Variants in KIF26B observed in about 807,000 individuals in gnomAD.
KIF26B encodes kinesin-like protein KIF26B.
A neutral mutation model predicts 151.2 loss-of-function variants in KIF26B; 63 were observed. The observed-to-expected ratio is 0.42, with a 90% confidence interval of 0.34 to 0.51. KIF26B has a LOEUF of 0.51. Among genes scored for constraint, KIF26B ranks in the 20% least tolerant of loss-of-function variants. KIF26B has a pLI of 0.07. For synonymous variants in KIF26B, 1,357 were observed against 1,262.1 expected (o/e 1.08, Z -1.59); for missense variants, 2,813 against 2,913.6 (o/e 0.97, Z 0.79).
intron 2 of KIF26B, among the ~76,000 whole-genome samples, chr1:245,307,145 A>G (rs1312880845): frequency 1.3e-5 from 2 of 152,186 alleles, no homozygotes; most frequent in East Asian, 3.8e-4. Context: ...CTGCACTCTT[A>G]AGATTCTTTA....
chr1:245,591,320 A>G (rs763589229), intron 5 of KIF26B, among the ~76,000 whole-genome samples: 10 of 152,202 alleles, frequency 6.6e-5, no homozygotes, highest in African/African-American at 9.6e-5. Flanking sequence ...GCCTCAGTAA[A>G]AAGTAATAAT....
chr1:245,679,987 C>T (rs904102945), intron 10 of KIF26B, among the ~76,000 whole-genome samples: 3 of 152,174 alleles, frequency 2.0e-5, no homozygotes, highest in Non-Finnish European at 2.9e-5. Context: ...TCCCTCCCGC[C>T]TGGCTCTGGG....
At position 245,222,396 on chromosome 1, in the gene KIF26B, C is replaced by A. The variant is rs536243692; in HGVS notation, c.465+65713C>A. Reference sequence around the variant, plus strand: ...AGGTTGCAGTGTGTCGAGATCGTACCATTGCCCTCCAGCCTGGGTGACTAG... The same window carrying A: ...AGGTTGCAGTGTGTCGAGATCGTACAATTGCCCTCCAGCCTGGGTGACTAG... On this transcript the variant is annotated intron_variant, in intron 2 of 14. Coordinates refer to ENST00000407071, the MANE Select transcript of KIF26B (RefSeq NM_018012.4). Among the ~76,000 whole-genome samples the A allele has an allele frequency of 7.2e-5, 11 of 152,274 alleles. No homozygotes were observed. In the South Asian group the frequency reaches 2.3e-3, roughly 32 times the overall value.
Position 245,261,139 on chromosome 1 carries a change from C to CTCTT in KIF26B, c.465+104470_465+104473dup, listed in dbSNP as rs576775673. Among the ~76,000 whole-genome samples, 1,016 of 149,468 alleles carry CTCTT rather than the reference C, an allele frequency of 6.8e-3. 5 individuals are homozygous for CTCTT. The highest frequency in any genetic ancestry group is 0.017 in the Middle Eastern group (5 of 288). ...CGTTCCTTCCTTCCTTCCTCTTTCT[C>CTCTT]TCTTTCTTTCTTTCTTTTCTTTTTT... On this transcript the variant is annotated intron_variant, in intron 2 of 14. Coordinates refer to ENST00000407071, the MANE Select transcript of KIF26B (RefSeq NM_018012.4).
chr1:245,219,884 C>G (rs1297310733), intron 2 of KIF26B, among the ~76,000 whole-genome samples: 2 of 152,244 alleles, frequency 1.3e-5, no homozygotes, highest in Non-Finnish European at 2.9e-5. Flanking sequence ...GACTCCCACC[C>G]AGGCCACTGG....
In KIF26B at chr1:245,155,092, G is replaced by C; in HGVS notation, c.-333G>C. 2 of 491,002 alleles carry C rather than the reference G, an allele frequency of 4.1e-6. No homozygotes were observed. The highest frequency in any genetic ancestry group is 7.6e-5 in the South Asian group (2 of 26,376). The allele number at this position is 491,002 out of a possible 1,614,324, so 30.4% of individuals were successfully genotyped here. On this transcript the variant is annotated 5_prime_UTR_variant, in exon 1 of 15. Transcript: ENST00000407071. ...CCTGATTGTATCCCTCGCTTTCCTC[G>C]TGGGGGAGCACGGACTGACTTGGCT... is the stretch of plus-strand genomic sequence containing the variant.
At chr1:245,454,606 C>T (rs1378156240) in intron 4 of KIF26B, among the ~76,000 whole-genome samples, 30 of 152,166 alleles carry the variant, frequency 2.0e-4, no homozygotes, top group Admixed American at 2.0e-3. Context: ...AGCCTTCATA[C>T]AATGCATTTG....
Position 245,516,342 on chromosome 1 carries a change from T to A in KIF26B, c.1167-24425T>A, listed in dbSNP as rs1209055258. 1.3e-5 allele frequency among the ~76,000 whole-genome samples: 2 copies of A among 152,138 alleles called. No homozygotes were observed. The stretch of plus-strand genomic sequence containing the variant: ...AAAACGTGTAACAGGAATTGTCCGT[T>A]CCCATGGCCAGTCCTCATGTAGAGC... On this transcript the variant is annotated intron_variant, in intron 4 of 14. Coordinates refer to ENST00000407071, the MANE Select transcript of KIF26B (RefSeq NM_018012.4). The surrounding 1 kb of genome is among the most constrained non-coding windows in gnomAD (Gnocchi z 4.2).
intron 10 of KIF26B, 108 bp from the exon 11 acceptor site, chr1:245,684,125 G>A (rs536854355): frequency 1.3e-5 from 16 of 1,191,968 alleles, no homozygotes; most frequent in Non-Finnish European, 1.9e-5. Context: ...AAAAGGGTGG[G>A]GGGACCACCA....
rs1365985951 is a variant in KIF26B at position 245,688,722 on chromosome 1, G to A, written c.5739G>A (p.Ser1913=). The change falls in exon 12 of 15, where the codon TCG becomes TCA. Residue 1913 remains serine (S), a synonymous_variant. Coordinates refer to ENST00000407071, the MANE Select transcript of KIF26B (RefSeq NM_018012.4). ...RDSEATGSAS[S]AQDSTSENSS... ...GCGAGGCCACCGGCAGCGCGTCCTC[G>A]GCGCAGGACTCCACGAGCGAGAACA... The A allele has an allele frequency of 1.1e-5, 18 of 1,608,658 alleles. No homozygotes were observed. The highest frequency in any genetic ancestry group is 1.0e-4 in the Admixed American group (6 of 59,738).
intron 5 of KIF26B, among the ~76,000 whole-genome samples, chr1:245,578,067 A>C (rs2043143114): frequency 6.6e-6 from 1 of 152,220 alleles, no homozygotes; most frequent in African/African-American, 2.4e-5. Context: ...TGCGGCAATG[A>C]GTCCACTCTC....
chr1:245,339,686 T>G (rs1480918750), intron 2 of KIF26B, among the ~76,000 whole-genome samples: 1 of 152,246 alleles, frequency 6.6e-6, no homozygotes, highest in Non-Finnish European at 1.5e-5. Context: ...TGAATATATA[T>G]TTTCACCTTG....
At chr1:245,255,538 G>C (rs79082477) in intron 2 of KIF26B, among the ~76,000 whole-genome samples, 2,288 of 152,270 alleles carry the variant, frequency 0.015, 47 homozygotes, top group African/African-American at 0.042. Flanking sequence ...TACATCATGT[G>C]ATTTGTATGT....
At chr1:245,510,992 T>C (rs1009450110) in intron 4 of KIF26B, 5 of 678,876 alleles carry the variant, frequency 7.4e-6, no homozygotes, top group Admixed American at 2.4e-5. Context: ...CTTCGCACAA[T>C]TTTACTTTCT....
At chr1:245,384,949 T>C (rs1387175706) in intron 3 of KIF26B, among the ~76,000 whole-genome samples, 1 of 152,212 alleles carries the variant, frequency 6.6e-6, no homozygotes, top group Non-Finnish European at 1.5e-5. Context: ...TTATGTCTTT[T>C]TCTTTCTTCT....
intron 4 of KIF26B, among the ~76,000 whole-genome samples, chr1:245,444,785 G>T (rs529304490): frequency 3.0e-4 from 45 of 152,302 alleles, no homozygotes; most frequent in South Asian, 2.7e-3. Context: ...GGAAAATGAC[G>T]TGAGGGGTTG....
intron 3 of KIF26B, among the ~76,000 whole-genome samples, chr1:245,402,813 T>C (rs929750319): frequency 1.3e-5 from 2 of 152,146 alleles, no homozygotes; most frequent in Non-Finnish European, 2.9e-5. Context: ...AATTACAACT[T>C]AGTGATTAGG....
chr1:245,588,754 T>C (rs1343077296), intron 5 of KIF26B, among the ~76,000 whole-genome samples: 23 of 152,192 alleles, frequency 1.5e-4, no homozygotes, highest in Admixed American at 1.5e-3. Context: ...TTCCTGCCCC[T>C]CGCTGGCTCA....
At chr1:245,542,281 A>C (rs1661641772) in intron 5 of KIF26B, among the ~76,000 whole-genome samples, 1 of 152,230 alleles carries the variant, frequency 6.6e-6, no homozygotes, top group Admixed American at 6.5e-5. Context: ...TGAGCCCAGG[A>C]GTTAGAGGCT....
Sources: gnomAD v4.1 joint callset for allele counts (sites outside exome capture counted in the v4.1 genomes callset) on GRCh38, gnomAD v4.1.1 for gene constraint, Gnocchi (gnomAD v3.1) non-coding constraint, MANE v1.5 for transcripts, NCBI Gene and HGNC (gene_info 2026-07-23, HGNC 2026-07-21) for gene names.